SLC9A5: variants seen among roughly 807,000 people sequenced by gnomAD.
The protein encoded by SLC9A5 is sodium/hydrogen exchanger 5.
A neutral mutation model predicts 91.7 loss-of-function variants in SLC9A5; 52 were observed. The ratio of observed to expected loss-of-function variants is 0.57; its 90% CI spans 0.45 to 0.71. The LOEUF (loss-of-function observed/expected upper bound fraction) is 0.71. Among genes scored for constraint, SLC9A5 ranks in the 30% least tolerant of loss-of-function variants. The pLI is 0.00. For missense variants in SLC9A5, 871 were observed against 1,158.9 expected (o/e 0.75, Z 3.61); for synonymous variants, 419 against 474.5 (o/e 0.88, Z 1.52).
Position 67,259,881 on chromosome 16 carries a change from C to T in SLC9A5, c.1777C>T (p.Arg593Trp). The change falls in exon 12 of 16, where the codon CGG becomes TGG. Residue 593 changes from arginine (R) to tryptophan (W), a missense_variant. Physicochemically the swap from Arg to Trp is moderately radical, Grantham distance 101. Around this residue, in one of 3 missense-constraint regions of SLC9A5, gnomAD observed 454 missense variants for 718.3 expected, o/e 0.63. Transcript: ENST00000299798. ...LQVIDTVRSG[R>W]DREDAVMHHL... The stretch of plus-strand genomic sequence containing the variant: ...GGTGATTGACACAGTACGCAGCGGC[C>T]GGGATCGTGAGGATGCTGTGATGCA... The T allele has an allele frequency of 5.0e-6, 8 of 1,614,052 alleles. No individual in the cohort carries two copies. The highest frequency in any genetic ancestry group is 5.9e-6 in the Non-Finnish European group (7 of 1,180,016).
chr16:67,269,401 T>C (rs1049920026), intron 15 of SLC9A5, among the ~76,000 whole-genome samples: 1 of 152,090 alleles, frequency 6.6e-6, no homozygotes, highest in Non-Finnish European at 1.5e-5. Flanking sequence ...CTCTACACTC[T>C]AGCCTAGGTG....
intron 1 of SLC9A5, among the ~76,000 whole-genome samples, chr16:67,250,943 G>A (rs2035092273): frequency 6.6e-6 from 1 of 152,190 alleles, no homozygotes. Context: ...TGGCTATAGT[G>A]CTAGAAACGC....
chr16:67,266,328 G>C, intron 15 of SLC9A5, 103 bp downstream of exon 15: 1 of 1,186,852 alleles, frequency 8.4e-7, no homozygotes, highest in African/African-American at 1.6e-5. Context: ...CTATTCACTA[G>C]TTTATTCATC....
In SLC9A5 at chr16:67,255,542, C is replaced by T. The variant is rs539100363; in HGVS notation, c.733+71C>T. On this transcript the variant is annotated intron_variant, in intron 4 of 15. Transcript: ENST00000299798. The surrounding 1 kb of genome is among the most constrained non-coding windows in gnomAD (Gnocchi z 4.9). ...CTGGGTTGCTGAGGCCCTCCCACCC[C>T]GCATCAGGACAGAAGAGGCTATTCG... 114 of 1,469,712 alleles carry T rather than the reference C, an allele frequency of 7.8e-5. No individual in the cohort carries two copies. In the East Asian group the frequency reaches 1.5e-3, roughly 19 times the overall value. 91.0% of individuals were successfully genotyped at this position (1,469,712 alleles called of 1,614,324 possible).
chr16:67,255,283 G>A lies in SLC9A5; in HGVS notation c.654+99G>A. ...CTCAGTCCCTTCCCTTGGGTCCCCT[G>A]GGGCAGAAATATGCTGTCTGCTTTC... On this transcript the variant is annotated intron_variant, in intron 3 of 15. Transcript: ENST00000299798. The surrounding 1 kb of genome is among the most constrained non-coding windows in gnomAD (Gnocchi z 4.9). 1.3e-6 allele frequency: 2 copies of A among 1,527,138 alleles called. No homozygotes were observed. Among genetic ancestry groups the A allele is most frequent in the Non-Finnish European group, 9.0e-7 (1 of 1,115,124 alleles). The allele number at this position is 1,527,138 out of a possible 1,614,324, so 94.6% of individuals were successfully genotyped here. A position where few individuals can be genotyped will look rare whatever the true frequency, so the allele number is the denominator to read the frequency against.
Position 67,252,931 on chromosome 16 carries a change from C to T in SLC9A5, c.490+87C>T. On this transcript the variant is annotated intron_variant, in intron 2 of 15. Transcript: ENST00000299798. This position sits in a 1 kb window ranked among gnomAD's most constrained non-coding sequence, Gnocchi z 4.0. ...TCTGGAGGCCCATGCTGGTGTGAGC[C>T]ATGCCCTGAAAGCTCCATCCTAGGT... The T allele has an allele frequency of 1.6e-6, 2 of 1,269,462 alleles. No individual in the cohort carries two copies. Among genetic ancestry groups the T allele is most frequent in the Non-Finnish European group, 2.2e-6 (2 of 928,728 alleles). 78.6% of individuals were successfully genotyped at this position (1,269,462 alleles called of 1,614,324 possible).
Position 67,249,346 on chromosome 16 carries a change from C to T in SLC9A5, c.187+145C>T, listed in dbSNP as rs1049737680. The T allele has an allele frequency of 2.1e-4, 125 of 597,526 alleles. 1 individual carries two copies. In the African/African-American group the frequency reaches 2.3e-3, roughly 11 times the overall value. The allele number at this position is 597,526 out of a possible 1,614,324, so 37.0% of individuals were successfully genotyped here. On this transcript the variant is annotated intron_variant, in intron 1 of 15. Transcript: ENST00000299798. ...GGATTCCACAAATCCGGGCTCTCGC[C>T]CAGTTCCTGCATCGCTTCTTGTGGG...
chr16:67,260,354 C>CAAAAAAAAAAAAAAAAAAAAAAAAAAA (rs397932908), intron 12 of SLC9A5, among the ~76,000 whole-genome samples: 6 of 33,444 alleles, frequency 1.8e-4, no homozygotes, highest in African/African-American at 5.8e-4. Context: ...GACTCCATCT[C>CAAAAAAAAAAAAAAAAAAAAAAAAAAA]AAAAAAAAAA....
intron 13 of SLC9A5, among the ~76,000 whole-genome samples, chr16:67,264,824 G>C (rs1387036792): frequency 6.7e-6 from 1 of 149,326 alleles, no homozygotes; most frequent in African/African-American, 2.6e-5. Context: ...GCAACTCCAT[G>C]AGCTCCTAAG....
chr16:67,263,954 C>CTG (rs56372543), intron 12 of SLC9A5, among the ~76,000 whole-genome samples: 6 of 152,220 alleles, frequency 3.9e-5, no homozygotes, highest in Non-Finnish European at 8.8e-5. Context: ...AGAAAGGATC[C>CTG]TGTGTAGCTA....
Position 67,256,456 on chromosome 16 carries a change from C to T in SLC9A5, c.912-13C>T. On this transcript the variant is annotated splice_polypyrimidine_tract_variant and intron_variant, in intron 5 of 15. Coordinates refer to ENST00000299798, the MANE Select transcript of SLC9A5 (RefSeq NM_004594.3). The surrounding 1 kb of genome is among the most constrained non-coding windows in gnomAD (Gnocchi z 4.1). ...CCCTTCCCCACTTGCCATGTCTCTC[C>T]ATCCTCTCCCAGGGTGACCATGTGT... is the stretch of plus-strand genomic sequence containing the variant. 6.3e-7 allele frequency: 1 copy of T among 1,594,336 alleles called. No individual in the cohort carries two copies. The highest frequency in any genetic ancestry group is 2.2e-5 in the East Asian group (1 of 44,844).
Position 67,255,007 on chromosome 16 carries a change from A to G in SLC9A5, c.491-14A>G, listed in dbSNP as rs760734859. The G allele has an allele frequency of 2.5e-6, 4 of 1,611,736 alleles. No homozygotes were observed. The highest frequency in any genetic ancestry group is 3.4e-6 in the Non-Finnish European group (4 of 1,178,774). ...CTTCAATGACTGGCCTGTCCTACAC[A>G]TGTCCCTTAATAGCCCCTAGGGTGC... is the stretch of plus-strand genomic sequence containing the variant. On this transcript the variant is annotated splice_polypyrimidine_tract_variant and intron_variant, in intron 2 of 15. Transcript: ENST00000299798. The surrounding 1 kb of genome is among the most constrained non-coding windows in gnomAD (Gnocchi z 4.9).
Position 67,258,192 on chromosome 16 carries a change from C to G in SLC9A5, c.1497-126C>G, listed in dbSNP as rs936106893. On this transcript the variant is annotated intron_variant, in intron 9 of 15. Transcript: ENST00000299798. The surrounding 1 kb of genome is among the most constrained non-coding windows in gnomAD (Gnocchi z 4.5). ...GGGCAGGGACTAGCCTTGAGATTCT[C>G]TCTGGCTGAGGCCCATATCTAAAAA... 2 of 883,062 alleles carry G rather than the reference C, an allele frequency of 2.3e-6. No homozygotes were observed. The highest frequency in any genetic ancestry group is 3.5e-6 in the Non-Finnish European group (2 of 565,466). The allele number at this position is 883,062 out of a possible 1,614,324, so 54.7% of individuals were successfully genotyped here.
chr16:67,265,182 G>T (rs879502136), intron 14 of SLC9A5, 76 bp downstream of exon 14: 15 of 1,423,164 alleles, frequency 1.1e-5, no homozygotes, highest in Non-Finnish European at 1.3e-5. Context: ...CAGAATCCTG[G>T]AGGACCCGCT....
At position 67,252,458 on chromosome 16, in the gene SLC9A5, A is replaced by AC. The variant is rs1478317968; in HGVS notation, c.188-84_188-83insC. Reference sequence around the variant, plus strand: ...GAGTGAGACTTCATCTCAAAAAAAAAAAAACAAAACTGGGAGTTCATAGGC... The same window carrying AC: ...GAGTGAGACTTCATCTCAAAAAAAAACAAAACAAAACTGGGAGTTCATAGGC... On this transcript the variant is annotated intron_variant, in intron 1 of 15. Coordinates refer to ENST00000299798, the MANE Select transcript of SLC9A5 (RefSeq NM_004594.3). The surrounding 1 kb of genome is among the most constrained non-coding windows in gnomAD (Gnocchi z 4.0). 10 of 1,307,088 alleles carry AC rather than the reference A, an allele frequency of 7.7e-6. No individual in the cohort carries two copies. Among genetic ancestry groups the AC allele is most frequent in the African/African-American group, 1.5e-5 (1 of 67,674 alleles). The allele number at this position is 1,307,088 out of a possible 1,614,324, so 81.0% of individuals were successfully genotyped here. A position where few individuals can be genotyped will look rare whatever the true frequency, so the allele number is the denominator to read the frequency against.
chr16:67,256,417 T>G lies in SLC9A5; in HGVS notation c.912-52T>G. 1.5e-5 allele frequency: 20 copies of G among 1,308,544 alleles called. No homozygotes were observed. The highest frequency in any genetic ancestry group is 2.1e-5 in the Non-Finnish European group (19 of 914,206). The allele number at this position is 1,308,544 out of a possible 1,614,324, so 81.1% of individuals were successfully genotyped here. A position where few individuals can be genotyped will look rare whatever the true frequency, so the allele number is the denominator to read the frequency against. On this transcript the variant is annotated intron_variant, in intron 5 of 15. Transcript: ENST00000299798. The surrounding 1 kb of genome is among the most constrained non-coding windows in gnomAD (Gnocchi z 4.1). ...TGCAGTATGCTCAAACCCTGGAGGCTGAGCCCCCTGGAACCCTTCCCCACT... is the reference window on the plus strand; with the variant it reads ...TGCAGTATGCTCAAACCCTGGAGGCGGAGCCCCCTGGAACCCTTCCCCACT...
Position 67,257,836 on chromosome 16 carries a change from C to T in SLC9A5, c.1496+235C>T, listed in dbSNP as rs1176805119. 6.6e-6 allele frequency among the ~76,000 whole-genome samples: 1 copy of T among 152,246 alleles called. No homozygotes were observed. The highest frequency in any genetic ancestry group is 2.4e-5 in the African/African-American group (1 of 41,454). ...CAGACTCCAGCCTCATCATGCTCTG[C>T]TCTGTCTTTGACTGTCTGCCTGCTA... On this transcript the variant is annotated intron_variant, in intron 9 of 15. Transcript: ENST00000299798. This position sits in a 1 kb window ranked among gnomAD's most constrained non-coding sequence, Gnocchi z 5.1.
In SLC9A5 at chr16:67,249,027, G is replaced by T; in HGVS notation, c.13G>T (p.Ala5Ser). The T allele has an allele frequency of 6.8e-7, 1 of 1,466,654 alleles. No homozygotes were observed. Among genetic ancestry groups the T allele is most frequent in the Non-Finnish European group, 9.0e-7 (1 of 1,113,126 alleles). 90.9% of individuals were successfully genotyped at this position (1,466,654 alleles called of 1,614,324 possible). ...GGCAGGCGGCAGGATGCTGCGCGCC[G>T]CCCTGTCCCTGCTCGCGCTGCCCCT... is the stretch of plus-strand genomic sequence containing the variant. MLRA[A>S]LSLLALPLAG... is the part of the protein sequence containing the mutation. The change falls in exon 1 of 16, where the codon GCC (alanine) becomes TCC (serine). Residue 5 changes from alanine to serine, a missense_variant. Around this residue, in one of 3 missense-constraint regions of SLC9A5, gnomAD observed 122 missense variants for 114.5 expected, o/e 1.07. Transcript: ENST00000299798.
At chr16:67,260,248 G>A (rs1202374857) in intron 12 of SLC9A5, among the ~76,000 whole-genome samples, 3 of 151,376 alleles carry the variant, frequency 2.0e-5, no homozygotes, top group East Asian at 3.9e-4. Context: ...CCAGCTACTC[G>A]GGAGGCTGAA....
Sources: allele counts gnomAD v4.1 joint callset (sites outside exome capture counted in the v4.1 genomes callset), GRCh38; gene constraint gnomAD v4.1.1; regional missense constraint gnomAD v4.1.1; non-coding constraint Gnocchi (gnomAD v3.1); transcripts MANE v1.5; gene names NCBI Gene and HGNC (gene_info 2026-07-23, HGNC 2026-07-21).